Variants in ITGB1BP1 observed in about 807,000 individuals in gnomAD.
ITGB1BP1 encodes integrin subunit beta 1 binding protein 1, also known as integrin beta-1-binding protein 1.
Under a neutral mutation model 28.0 loss-of-function variants are expected in ITGB1BP1, and 20 were observed. The ratio of observed to expected loss-of-function variants is 0.71; its 90% confidence interval spans 0.50 to 1.04. ITGB1BP1 has a LOEUF of 1.04. Ranked by LOEUF, ITGB1BP1 falls within the 50% of genes least tolerant of loss-of-function variation. ITGB1BP1 has a pLI of 0.00. For synonymous variants in ITGB1BP1, 103 were observed against 89.5 expected, an observed-to-expected ratio of 1.15 and a Z score of -0.85; for missense variants, 228 against 242.5, an observed-to-expected ratio of 0.94 and a Z score of 0.40.
chr2:9,410,383 C>T (rs750462026), intron 4 of ITGB1BP1, among the ~76,000 whole-genome samples: 21 of 152,068 alleles, frequency 1.4e-4, no homozygotes, highest in Non-Finnish European at 4.4e-5. Context: ...CAGTGCATAA[C>T]ACCACACTCA....
Position 9,407,581 on chromosome 2 carries a change from A to G in ITGB1BP1, c.399T>C (p.His133=), listed in dbSNP as rs1677686999. 1.9e-6 allele frequency: 3 copies of G among 1,614,196 alleles called. No homozygotes were observed. Among genetic ancestry groups the G allele is most frequent in the East Asian group, 2.2e-5 (1 of 44,882 alleles). ...CCATCCGGATTATTAAGTAGAGAGC[A>G]TGCCTGTGCAAAACATCCTGCAGAA... is the stretch of plus-strand genomic sequence containing the variant. ...TSDQYDVLHR[H]ALYLIIRMVC... Residue 133 remains histidine, a synonymous_variant, in exon 6 of 7, where the codon CAT becomes CAC. Transcript: ENST00000355346.
rs1025236123 is a variant in ITGB1BP1, at chr2:9,405,187, G to A, written c.*1647C>T. On this transcript the variant is annotated 3_prime_UTR_variant, in exon 7 of 7. Transcript: ENST00000355346. ...TTCCAGTCTACAATTTGGTGCTATT[G>A]TGCAGTAACTAATAGTACTCTTACC... 6.6e-6 allele frequency: 1 copy of A among 152,166 alleles called. No homozygotes were observed. Among genetic ancestry groups the A allele is most frequent in the Non-Finnish European group, 1.5e-5 (1 of 68,030 alleles). The allele number at this position is 152,166 out of a possible 1,614,324, so 9.4% of individuals were successfully genotyped here. A position where few individuals can be genotyped will look rare whatever the true frequency, so the allele number is the denominator to read the frequency against.
intron 1 of ITGB1BP1, 131 bp downstream of exon 1, chr2:9,423,242 C>T: frequency 1.8e-6 from 2 of 1,139,914 alleles, no homozygotes; most frequent in Non-Finnish European, 2.2e-6. Flanking sequence ...AAGCCCGAGC[C>T]CAGGCATCCC....
intron 1 of ITGB1BP1, chr2:9,422,767 G>A (rs369449851): frequency 5.2e-5 from 51 of 985,648 alleles, no homozygotes; most frequent in Non-Finnish European, 5.4e-5. Flanking sequence ...ACGGTGCTAG[G>A]TGCACAGATC....
At chr2:9,421,549 T>A (rs938781809) in intron 1 of ITGB1BP1, among the ~76,000 whole-genome samples, 40 of 151,988 alleles carry the variant, frequency 2.6e-4, no homozygotes, top group Admixed American at 1.4e-3. Context: ...TGGCTGTGCG[T>A]GGTGGTGGGC....
In ITGB1BP1 at chr2:9,406,885, G is replaced by A. The variant is rs777121382; in HGVS notation, c.552C>T (p.Cys184=). ...CNSLEQAQAI[C]KVLSTAFDSV... ...AGTCAAAAGCGGTGGATAAAACCTT[G>A]CAAATGGCTTGTGCTTGTTCCTACA... is the stretch of plus-strand genomic sequence containing the variant. Residue 184 remains cysteine, a synonymous_variant, in exon 7 of 7, where the codon TGC becomes TGT. Coordinates refer to ENST00000355346, the MANE Select transcript of ITGB1BP1 (RefSeq NM_004763.5). The A allele has an allele frequency of 1.9e-6, 3 of 1,612,762 alleles. No individual in the cohort carries two copies. The East Asian group carries it at 6.7e-5, about 36-fold the overall frequency.
At chr2:9,413,349 G>A (rs573700153) in intron 3 of ITGB1BP1, among the ~76,000 whole-genome samples, 2 of 151,768 alleles carry the variant, frequency 1.3e-5, no homozygotes, top group Non-Finnish European at 2.9e-5. Context: ...TTTTTTTTGA[G>A]ATGGAGTCTT....
chr2:9,411,974 G>A (rs1009657958), intron 4 of ITGB1BP1: 3 of 244,896 alleles, frequency 1.2e-5, no homozygotes, highest in South Asian at 6.2e-5. Flanking sequence ...GCCGGGAGGC[G>A]GAGATTACAG....
chr2:9,411,593 T>G (rs1291066030), intron 4 of ITGB1BP1, among the ~76,000 whole-genome samples: 1 of 151,936 alleles, frequency 6.6e-6, no homozygotes, highest in Non-Finnish European at 1.5e-5. Context: ...CGTGGCAGCA[T>G]GCGCCTGTAG....
At chr2:9,423,272 C>T (rs2148926512) in intron 1 of ITGB1BP1, 101 bp downstream of exon 1, 1 of 1,187,328 alleles carries the variant, frequency 8.4e-7, no homozygotes, top group East Asian at 9.7e-5. Flanking sequence ...CGCCCCGCGG[C>T]CCCACCCATC....
At chr2:9,414,322 A>G in intron 2 of ITGB1BP1, 66 bp from the exon 3 acceptor site, 1 of 1,164,686 alleles carries the variant, frequency 8.6e-7, no homozygotes, top group Non-Finnish European at 1.3e-6. Context: ...AAAGTCCTCT[A>G]ACCCATTCAC....
chr2:9,423,565 A>G (rs375864591), upstream of ITGB1BP1: 2 of 1,120,394 alleles, frequency 1.8e-6, no homozygotes, highest in Non-Finnish European at 2.4e-6. Flanking sequence ...CCCCGGTTCC[A>G]AGACCCCAAG....
rs866350365 is a variant in ITGB1BP1 at position 9,415,559 on chromosome 2, G to A, written c.73-1303C>T. ...CACACCACTGCACTCCAGCCTGGGC[G>A]ACAGAGTGAGGCTCCGTCTCCAAAA... On this transcript the variant is annotated intron_variant, in intron 2 of 6. Coordinates refer to ENST00000355346, the MANE Select transcript of ITGB1BP1 (RefSeq NM_004763.5). The surrounding 1 kb of genome is among the most constrained non-coding windows in gnomAD (Gnocchi z 4.1). Among the ~76,000 whole-genome samples the A allele has an allele frequency of 2.6e-5, 4 of 152,116 alleles. No homozygotes were observed. The highest frequency in any genetic ancestry group is 5.9e-5 in the Non-Finnish European group (4 of 68,016).
Position 9,406,713 on chromosome 2 carries a change from T to A in ITGB1BP1, c.*121A>T. 1 of 729,966 alleles carries A rather than the reference T, an allele frequency of 1.4e-6. No homozygotes were observed. The highest frequency in any genetic ancestry group is 1.6e-5 in the South Asian group (1 of 62,980). 45.2% of individuals were successfully genotyped at this position (729,966 alleles called of 1,614,324 possible). A position where few individuals can be genotyped will look rare whatever the true frequency, so the allele number is the denominator to read the frequency against. On this transcript the variant is annotated 3_prime_UTR_variant, in exon 7 of 7. Transcript: ENST00000355346. ...AACAAATGATCAGCATTTTACACAA[T>A]CCATTTTCTTCAGAAAATCTAGAGC...
At chr2:9,410,589 A>G (rs1678233260) in intron 4 of ITGB1BP1, among the ~76,000 whole-genome samples, 1 of 152,054 alleles carries the variant, frequency 6.6e-6, no homozygotes, top group Non-Finnish European at 1.5e-5. Context: ...ATAGGCATGC[A>G]CCACCACACC....
chr2:9,417,399 G>GA (rs1275761552), intron 2 of ITGB1BP1, among the ~76,000 whole-genome samples: 1 of 150,682 alleles, frequency 6.6e-6, no homozygotes, highest in Non-Finnish European at 1.5e-5. Context: ...AGGAGGGGCA[G>GA]AAAAAAATAA....
At position 9,405,225 on chromosome 2, in the gene ITGB1BP1, A is replaced by G. The variant is rs553100716; in HGVS notation, c.*1609T>C. The G allele has an allele frequency of 1.3e-5, 2 of 152,394 alleles. No homozygotes were observed. Among genetic ancestry groups the G allele is most frequent in the African/African-American group, 4.8e-5 (2 of 41,592 alleles). The allele number at this position is 152,394 out of a possible 1,614,324, so 9.4% of individuals were successfully genotyped here. ...TAGTACTCTTACCAGAGGAGAAATT[A>G]TATTAACGACCCTGCTAATATCCTT... On this transcript the variant is annotated 3_prime_UTR_variant, in exon 7 of 7. Coordinates refer to ENST00000355346, the MANE Select transcript of ITGB1BP1 (RefSeq NM_004763.5).
rs762521628 is a variant in ITGB1BP1, at chr2:9,412,405, C to T, written c.152G>A (p.Gly51Glu). 10 of 1,600,100 alleles carry T rather than the reference C, an allele frequency of 6.2e-6. No homozygotes were observed. The highest frequency in any genetic ancestry group is 8.5e-6 in the Non-Finnish European group (10 of 1,176,058). The stretch of plus-strand genomic sequence containing the variant: ...GGTATCTGAATTATTGTTGCTTTGT[C>T]CTGAAGATGAAAGAAAAGTGGTAAG... Reference protein sequence around the residue: ...SLDTDSTKSSGQSNNNSDTCA... With the variant: ...SLDTDSTKSSEQSNNNSDTCA... Residue 51 changes from glycine to glutamate, a missense_variant and splice_region_variant, in exon 4 of 7, where the codon GGA (glycine) becomes GAA (glutamate). Physicochemically the swap from Gly to Glu is moderately conservative, Grantham distance 98. Coordinates refer to ENST00000355346, the MANE Select transcript of ITGB1BP1 (RefSeq NM_004763.5).
intron 3 of ITGB1BP1, 115 bp downstream of exon 3, chr2:9,414,063 G>C (rs1416962090): frequency 1.2e-6 from 1 of 864,488 alleles, no homozygotes; most frequent in Non-Finnish European, 1.9e-6. Context: ...GTCAAAAGTG[G>C]CAAAGGAGAG....
Sources: gnomAD v4.1 joint callset for allele counts (sites outside exome capture counted in the v4.1 genomes callset) on GRCh38, gnomAD v4.1.1 for gene constraint, Gnocchi (gnomAD v3.1) non-coding constraint, MANE v1.5 for transcripts, NCBI Gene and HGNC (gene_info 2026-07-23, HGNC 2026-07-21) for gene names.